The following AGBL4 variants were observed in gnomAD, a reference collection of about 807,000 sequenced individuals.
AGBL4 encodes the protein cytosolic carboxypeptidase 6.
Under a neutral mutation model 66.4 loss-of-function variants are expected in AGBL4, and 58 were observed. That is an observed-to-expected ratio of 0.87 (90% CI 0.71 to 1.09). AGBL4 has a LOEUF of 1.09. Ranked by LOEUF, AGBL4 falls within the 50% of genes least tolerant of loss-of-function variation. AGBL4 has a pLI of 0.00. For synonymous variants in AGBL4, 234 were observed against 222.9 expected (o/e 1.05, Z -0.44); for missense variants, 579 against 631.0 (o/e 0.92, Z 0.88).
At chr1:49,377,848 G>A (rs973207324) in intron 3 of AGBL4, among the ~76,000 whole-genome samples, 6 of 152,056 alleles carry the variant, frequency 3.9e-5, no homozygotes, top group Non-Finnish European at 8.8e-5. Context: ...GAGGGATATA[G>A]TATTCTCTCT....
At chr1:49,799,045 A>G (rs1644797294) in intron 2 of AGBL4, among the ~76,000 whole-genome samples, 1 of 152,192 alleles carries the variant, frequency 6.6e-6, no homozygotes, top group African/African-American at 2.4e-5. Context: ...ATAAAATAAT[A>G]ATAATGTTGC....
intron 3 of AGBL4, among the ~76,000 whole-genome samples, chr1:49,618,442 C>T (rs975718008): frequency 7.6e-6 from 1 of 132,258 alleles, no homozygotes; most frequent in African/African-American, 2.5e-5. Context: ...CCTAAATAGA[C>T]CAATAACAAA....
intron 1 of AGBL4, among the ~76,000 whole-genome samples, chr1:49,922,674 C>A (rs1444572008): frequency 2.0e-5 from 3 of 152,058 alleles, no homozygotes; most frequent in African/African-American, 7.2e-5. Flanking sequence ...CAACAACAGC[C>A]AAGCCAAGAG....
At chr1:49,417,905 A>C (rs1288554030) in intron 3 of AGBL4, among the ~76,000 whole-genome samples, 1 of 152,180 alleles carries the variant, frequency 6.6e-6, no homozygotes, top group African/African-American at 2.4e-5. Context: ...TTAATTTTCT[A>C]AATGGATCCT....
intron 5 of AGBL4, among the ~76,000 whole-genome samples, chr1:48,898,736 C>T (rs1396917216): frequency 1.3e-5 from 2 of 152,080 alleles, no homozygotes; most frequent in Admixed American, 6.6e-5. Flanking sequence ...ATGCTTCCAG[C>T]CTTGTTCTTT....
intron 6 of AGBL4, among the ~76,000 whole-genome samples, chr1:48,667,516 C>A (rs1245954151): frequency 6.6e-6 from 1 of 152,234 alleles, no homozygotes; most frequent in African/African-American, 2.4e-5. Context: ...GAGACCTATG[C>A]CAAAACCACC....
At chr1:49,861,309 G>C (rs1646566121) in intron 1 of AGBL4, among the ~76,000 whole-genome samples, 1 of 152,134 alleles carries the variant, frequency 6.6e-6, no homozygotes, top group Non-Finnish European at 1.5e-5. Context: ...AGCCAAGGAA[G>C]TGCTGGCATC....
At chr1:48,859,292 T>C (rs527713263) in intron 6 of AGBL4, among the ~76,000 whole-genome samples, 8 of 152,296 alleles carry the variant, frequency 5.3e-5, no homozygotes, top group African/African-American at 1.2e-4. Flanking sequence ...ATTGCATACA[T>C]TGAGCAGATC....
chr1:48,920,078 G>C (rs946352047), intron 5 of AGBL4, among the ~76,000 whole-genome samples: 1 of 152,196 alleles, frequency 6.6e-6, no homozygotes, highest in African/African-American at 2.4e-5. Context: ...CAGACTCTTG[G>C]CTGAAGATAG....
chr1:49,972,053 G>A (rs1658171926), intron 1 of AGBL4, among the ~76,000 whole-genome samples: 1 of 150,770 alleles, frequency 6.6e-6, no homozygotes, highest in Non-Finnish European at 1.5e-5. Context: ...GAGTAGCTGG[G>A]ACTACAGGTG....
At chr1:48,649,693 T>A (rs1247977015) in intron 8 of AGBL4, among the ~76,000 whole-genome samples, 2 of 152,228 alleles carry the variant, frequency 1.3e-5, no homozygotes, top group Non-Finnish European at 2.9e-5. Flanking sequence ...ACTTGTATTA[T>A]TAAATCTAAA....
rs529479505 is a variant in AGBL4, at chr1:49,878,478, G to C, written c.35-26960C>G. Among the ~76,000 whole-genome samples the C allele has an allele frequency of 1.8e-4, 27 of 152,132 alleles. 1 individual carries two copies. In the South Asian group the frequency reaches 5.0e-3, roughly 28 times the overall value. ...CATGTAGTTGAGCAGCTTTGAGTGA[G>C]ATTCTTAATTCTGAGTTCTACTTTG... On this transcript the variant is annotated intron_variant, in intron 1 of 13. Coordinates refer to ENST00000371839, the MANE Select transcript of AGBL4 (RefSeq NM_032785.4).
intron 1 of AGBL4, among the ~76,000 whole-genome samples, chr1:50,010,306 C>CAA (rs35823694): frequency 6.9e-6 from 1 of 144,500 alleles, no homozygotes. Context: ...GACTCCATCT[C>CAA]AAAAAAAAAA....
chr1:49,941,663 G>A (rs1654770028), intron 1 of AGBL4, among the ~76,000 whole-genome samples: 3 of 152,038 alleles, frequency 2.0e-5, no homozygotes, highest in Admixed American at 2.0e-4. Context: ...GAAAGAAAAT[G>A]TGACAAAATT....
intron 4 of AGBL4, among the ~76,000 whole-genome samples, chr1:49,123,028 T>A (rs1645690535): frequency 6.6e-6 from 1 of 152,104 alleles, no homozygotes; most frequent in Admixed American, 6.5e-5. Flanking sequence ...TAATTTTTTG[T>A]ATTTTTAGTA....
At chr1:48,861,979 A>G (rs1647513977) in intron 6 of AGBL4, among the ~76,000 whole-genome samples, 2 of 152,100 alleles carry the variant, frequency 1.3e-5, no homozygotes, top group African/African-American at 4.8e-5. Context: ...TAGAAATGCA[A>G]ATATAATATT....
intron 3 of AGBL4, among the ~76,000 whole-genome samples, chr1:49,365,331 A>G (rs1416967345): frequency 6.6e-6 from 1 of 152,094 alleles, no homozygotes; most frequent in Admixed American, 6.5e-5. Flanking sequence ...GCCTCATCTG[A>G]ACCATGGAAA....
At chr1:49,812,328 G>A (rs1478837111) in intron 2 of AGBL4, among the ~76,000 whole-genome samples, 2 of 152,096 alleles carry the variant, frequency 1.3e-5, no homozygotes, top group African/African-American at 4.8e-5. Flanking sequence ...ATATCCATAG[G>A]GATCCCTCTG....
intron 3 of AGBL4, among the ~76,000 whole-genome samples, chr1:49,479,463 C>T (rs1031595719): frequency 2.0e-5 from 3 of 151,840 alleles, no homozygotes; most frequent in Non-Finnish European, 4.4e-5. Flanking sequence ...TCCCACCCTC[C>T]ACCCTCTGAT....
Sources: allele counts gnomAD v4.1 joint callset (sites outside exome capture counted in the v4.1 genomes callset), GRCh38; gene constraint gnomAD v4.1.1; transcripts MANE v1.5; gene names NCBI Gene and HGNC (gene_info 2026-07-23, HGNC 2026-07-21).